The following ZDHHC14 variants were observed in gnomAD, a reference collection of about 807,000 sequenced individuals.
ZDHHC14 encodes zDHHC palmitoyltransferase 14.
Under a neutral mutation model 47.7 loss-of-function variants are expected in ZDHHC14, and 16 were observed. The ratio of observed to expected loss-of-function variants is 0.34; its 90% CI spans 0.23 to 0.51. The LOEUF is 0.51. Among genes scored for constraint, ZDHHC14 ranks in the 20% least tolerant of loss-of-function variants. The pLI, the probability that ZDHHC14 is intolerant of heterozygous loss-of-function variation, is 0.97. For missense variants in ZDHHC14, 515 were observed against 662.5 expected (o/e 0.78, Z 2.44); for synonymous variants, 293 against 278.9 (o/e 1.05, Z -0.50).
chr6:157,487,784 AGACTGGCAGCCTCGGCAGCCTCAT>A (rs1244420415), intron 1 of ZDHHC14, among the ~76,000 whole-genome samples: 1 of 152,194 alleles, frequency 6.6e-6, no homozygotes, highest in African/African-American at 2.4e-5. Flanking sequence ...GTCAGGACCC[AGACTGGCAGCCTCGGCAGCCTCAT>A]GACTGGCAGC....
intron 1 of ZDHHC14, among the ~76,000 whole-genome samples, chr6:157,468,563 C>G (rs1779277526): frequency 6.6e-6 from 1 of 152,168 alleles, no homozygotes; most frequent in Admixed American, 6.5e-5. Context: ...GCAAGAAGCT[C>G]CCCTTAACAC....
chr6:157,672,752 C>G lies in ZDHHC14; in HGVS notation c.1097C>G (p.Thr366Ser). ...MCDQDQCIQS[T>S]KFVLQAAATP... ...GACCAAGACCAGTGCATTCAGAGCA[C>G]CAAATTCGTTTTGCAGGCTGCAGCC... The change falls in exon 9 of 9, where the codon ACC (threonine) becomes AGC (serine). Residue 366 changes from threonine (T) to serine (S), a missense_variant. This residue lies in a region of ZDHHC14 where 221 missense variants were observed against 233.6 expected (regional missense o/e 0.95). Transcript: ENST00000359775. The G allele has an allele frequency of 6.2e-7, 1 of 1,612,674 alleles. No homozygotes were observed. Among genetic ancestry groups the G allele is most frequent in the Non-Finnish European group, 8.5e-7 (1 of 1,179,862 alleles).
chr6:157,626,890 T>TGG lies in ZDHHC14; in HGVS notation c.566-1450_566-1449dup, dbSNP rs113464326. ...TTTATTCAGGGTTTGCTTTTCCAGC[T>TGG]GGGGGGGGGGCGGCGGGGGCAGCAA... On this transcript the variant is annotated intron_variant, in intron 3 of 8. Coordinates refer to ENST00000359775, the MANE Select transcript of ZDHHC14 (RefSeq NM_024630.3). 4.9e-3 allele frequency among the ~76,000 whole-genome samples: 665 copies of TGG among 135,198 alleles called. 9 individuals are homozygous for TGG. Among genetic ancestry groups the TGG allele is most frequent in the African/African-American group, 0.014 (511 of 37,424 alleles). 88.7% of individuals were successfully genotyped at this position (135,198 alleles called of 152,430 possible).
intron 2 of ZDHHC14, among the ~76,000 whole-genome samples, chr6:157,554,711 C>T: frequency 6.6e-6 from 1 of 152,220 alleles, no homozygotes; most frequent in East Asian, 1.9e-4. Context: ...TGAAAGAATT[C>T]TAAGCTTTTT....
chr6:157,484,407 T>C (rs1372651157), intron 1 of ZDHHC14, among the ~76,000 whole-genome samples: 67 of 145,580 alleles, frequency 4.6e-4, no homozygotes, highest in African/African-American at 1.6e-3. Context: ...TACATATATA[T>C]GTATACACAT....
chr6:157,661,186 G>A (rs1375066593), intron 8 of ZDHHC14, among the ~76,000 whole-genome samples: 2 of 152,194 alleles, frequency 1.3e-5, no homozygotes, highest in Non-Finnish European at 2.9e-5. Context: ...ATACCTGGGG[G>A]TGGTGGGGAG....
At chr6:157,399,101 C>T (rs1284096164) in intron 1 of ZDHHC14, among the ~76,000 whole-genome samples, 3 of 152,190 alleles carry the variant, frequency 2.0e-5, no homozygotes, top group South Asian at 2.1e-4. Flanking sequence ...CAGCAGTTAG[C>T]GGGGTGGATA....
intron 1 of ZDHHC14, among the ~76,000 whole-genome samples, chr6:157,409,180 G>A (rs1777824301): frequency 6.6e-6 from 1 of 152,242 alleles, no homozygotes; most frequent in Admixed American, 6.5e-5. Context: ...CTGTTGCTGA[G>A]GGAGAAGAGG....
At chr6:157,420,640 G>C (rs1778081398) in intron 1 of ZDHHC14, among the ~76,000 whole-genome samples, 1 of 152,186 alleles carries the variant, frequency 6.6e-6, no homozygotes, top group South Asian at 2.1e-4. Flanking sequence ...GGTCAGCTTT[G>C]AGCACATTTC....
At chr6:157,456,997 T>TAATAAATA (rs557075276) in intron 1 of ZDHHC14, among the ~76,000 whole-genome samples, 4,253 of 146,952 alleles carry the variant, frequency 0.029, 93 homozygotes, top group African/African-American at 0.054. Flanking sequence ...AAAAATACAA[T>TAATAAATA]AATAAATAAA....
chr6:157,597,345 TG>T (rs1784172781), intron 3 of ZDHHC14, among the ~76,000 whole-genome samples: 1 of 152,170 alleles, frequency 6.6e-6, no homozygotes, highest in Admixed American at 6.5e-5. Flanking sequence ...GTTTTTCTGA[TG>T]GGGTAGGCCC....
chr6:157,442,281 G>T (rs1186438502), intron 1 of ZDHHC14, among the ~76,000 whole-genome samples: 1 of 152,170 alleles, frequency 6.6e-6, no homozygotes, highest in African/African-American at 2.4e-5. Context: ...TACTCAAGAG[G>T]CTGAGGTGGG....
chr6:157,644,991 C>G (rs933445924), intron 5 of ZDHHC14, among the ~76,000 whole-genome samples: 1 of 152,168 alleles, frequency 6.6e-6, no homozygotes, highest in African/African-American at 2.4e-5. Flanking sequence ...GAACTCTTGA[C>G]TTCCTCTCTC....
chr6:157,517,666 C>G (rs1780746391), intron 1 of ZDHHC14, among the ~76,000 whole-genome samples: 1 of 152,144 alleles, frequency 6.6e-6, no homozygotes, highest in Admixed American at 6.5e-5. Flanking sequence ...CAGGTACATC[C>G]CAAACCGGCG....
At chr6:157,625,091 A>G (rs1785348707) in intron 3 of ZDHHC14, among the ~76,000 whole-genome samples, 1 of 152,190 alleles carries the variant, frequency 6.6e-6, no homozygotes, top group Non-Finnish European at 1.5e-5. Flanking sequence ...CAGAGCCCTC[A>G]TGACCTCATC....
intron 1 of ZDHHC14, among the ~76,000 whole-genome samples, chr6:157,500,939 T>C (rs570567002): frequency 6.6e-6 from 1 of 152,274 alleles, no homozygotes; most frequent in African/African-American, 2.4e-5. Context: ...ATTAAGTAGA[T>C]TGCAATTTCC....
chr6:157,413,574 T>C (rs894199288), intron 1 of ZDHHC14, among the ~76,000 whole-genome samples: 2 of 152,090 alleles, frequency 1.3e-5, no homozygotes, highest in African/African-American at 2.4e-5. Context: ...TTTTAAAGCT[T>C]TTCTTCCTTC....
intron 1 of ZDHHC14, among the ~76,000 whole-genome samples, chr6:157,525,699 C>A (rs1048139963): frequency 6.6e-6 from 1 of 152,222 alleles, no homozygotes; most frequent in South Asian, 2.1e-4. Flanking sequence ...GGCTCCCTAC[C>A]GTATTGTGGA....
intron 1 of ZDHHC14, among the ~76,000 whole-genome samples, chr6:157,434,689 G>C (rs896699448): frequency 1.3e-5 from 2 of 152,150 alleles, no homozygotes; most frequent in Non-Finnish European, 1.5e-5. Flanking sequence ...ATGTTTGTCA[G>C]TGTGGTTGGG....
Sources: allele counts gnomAD v4.1 joint callset (sites outside exome capture counted in the v4.1 genomes callset), GRCh38; gene constraint gnomAD v4.1.1; regional missense constraint gnomAD v4.1.1; transcripts MANE v1.5; gene names NCBI Gene and HGNC (gene_info 2026-07-23, HGNC 2026-07-21).